C12orf42: variants seen among roughly 807,000 people sequenced by gnomAD.
The protein encoded by C12orf42 is uncharacterized protein C12orf42.
Under a neutral mutation model 21.6 loss-of-function variants are expected in C12orf42, and 25 were observed. That is an observed-to-expected ratio of 1.16 (90% CI 0.84 to 1.62). C12orf42 has a LOEUF of 1.62. Ranked by LOEUF, C12orf42 falls within the 40% of genes most tolerant of loss-of-function variation. The pLI is 0.00. For missense variants in C12orf42, 483 were observed against 459.3 expected (o/e 1.05, Z -0.47); for synonymous variants, 174 against 175.0 (o/e 0.99, Z 0.05).
the C12orf42 span, among the ~76,000 whole-genome samples, chr12:103,205,700 C>A: frequency 6.6e-6 from 1 of 152,148 alleles, no homozygotes; most frequent in Non-Finnish European, 1.5e-5. Context: ...ATTATGTATA[C>A]AGCCAAAGGC....
the C12orf42 span, chr12:103,558,993 C>A: frequency 1.3e-5 from 2 of 152,102 alleles, no homozygotes; most frequent in East Asian, 1.9e-4. Context: ...TTGTTCAAAC[C>A]CTGCACATTT....
In C12orf42 at chr12:103,372,261, C is replaced by T. The variant is rs117813737; in HGVS notation, c.148-3263G>A. Among the ~76,000 whole-genome samples the T allele has an allele frequency of 8.4e-3, 1,284 of 152,222 alleles. 9 individuals are homozygous for T. Among genetic ancestry groups the T allele is most frequent in the South Asian group, 0.017 (81 of 4,816 alleles). On this transcript the variant is annotated intron_variant, in intron 3 of 5. Transcript: ENST00000548883. ...TTTCTCACATTATCTTTCTAAATCC[C>T]AAGTTTAAATATGGCACTGGCCTTC...
chr12:103,522,385 A>G, the C12orf42 span, among the ~76,000 whole-genome samples: 5 of 152,072 alleles, frequency 3.3e-5, no homozygotes, highest in Admixed American at 2.0e-4. Context: ...TTTATTAGCA[A>G]CATGTGAATG....
chr12:103,408,036 G>A (rs565482626), intron 2 of C12orf42, among the ~76,000 whole-genome samples: 1 of 152,204 alleles, frequency 6.6e-6, no homozygotes, highest in Non-Finnish European at 1.5e-5. Context: ...TGCAGATAAA[G>A]CCCCGTGGTA....
chr12:103,123,664 T>C, the C12orf42 span, among the ~76,000 whole-genome samples: 1 of 152,164 alleles, frequency 6.6e-6, no homozygotes. Flanking sequence ...TGTATTGAAA[T>C]TGTAAACTAC....
chr12:103,270,936 T>C (rs2035438577), intron 5 of C12orf42, among the ~76,000 whole-genome samples: 1 of 152,136 alleles, frequency 6.6e-6, no homozygotes, highest in Admixed American at 6.5e-5. Context: ...ATGGGATAAT[T>C]TTGACAGTTT....
At chr12:103,269,281 G>T (rs1013794772) in intron 6 of C12orf42, among the ~76,000 whole-genome samples, 1 of 152,114 alleles carries the variant, frequency 6.6e-6, no homozygotes, top group Non-Finnish European at 1.5e-5. Flanking sequence ...AGCGGATGAC[G>T]TAAGTAGACA....
chr12:103,227,896 G>A, the C12orf42 span, among the ~76,000 whole-genome samples: 1 of 152,160 alleles, frequency 6.6e-6, no homozygotes, highest in Non-Finnish European at 1.5e-5. Context: ...AGAGTGGAAA[G>A]GAGAAAGTGG....
chr12:103,195,545 T>C, the C12orf42 span, among the ~76,000 whole-genome samples: 4 of 152,190 alleles, frequency 2.6e-5, no homozygotes, highest in Non-Finnish European at 5.9e-5. Flanking sequence ...TTATGATTAT[T>C]GATGTTAAGC....
chr12:103,463,775 C>T (rs1288296140), intron 2 of C12orf42, among the ~76,000 whole-genome samples: 1 of 152,152 alleles, frequency 6.6e-6, no homozygotes, highest in Non-Finnish European at 1.5e-5. Flanking sequence ...CTTCCTGTGT[C>T]AATGTGTTCT....
Position 103,369,852 on chromosome 12 carries a change from T to C in C12orf42, c.148-854A>G, listed in dbSNP as rs150583738. On this transcript the variant is annotated intron_variant, in intron 3 of 5. Transcript: ENST00000548883. ...TTCAAGAGAAAGACACCAAAAGCAATTGCAACAAAAACAAAAATTGACAAA... is the reference window on the plus strand; with the variant it reads ...TTCAAGAGAAAGACACCAAAAGCAACTGCAACAAAAACAAAAATTGACAAA... 4.6e-3 allele frequency among the ~76,000 whole-genome samples: 694 copies of C among 152,106 alleles called. 2 individuals are homozygous for C. Among genetic ancestry groups the C allele is most frequent in the African/African-American group, 0.016 (652 of 41,518 alleles).
intron 2 of C12orf42, among the ~76,000 whole-genome samples, chr12:103,436,625 T>C (rs1950739386): frequency 1.3e-5 from 2 of 150,712 alleles, no homozygotes; most frequent in African/African-American, 4.9e-5. Flanking sequence ...AAACAGACTT[T>C]AAACCAACAA....
At chr12:103,454,284 T>G (rs530128373) in intron 2 of C12orf42, among the ~76,000 whole-genome samples, 102 of 152,190 alleles carry the variant, frequency 6.7e-4, no homozygotes, top group Admixed American at 2.7e-3. Context: ...ATGCCAGAAT[T>G]TCACTAAACT....
At chr12:103,253,459 G>A (rs964905901) in intron 10 of C12orf42, among the ~76,000 whole-genome samples, 5 of 152,146 alleles carry the variant, frequency 3.3e-5, no homozygotes, top group East Asian at 1.9e-4. Context: ...TTTTCCATCC[G>A]TTTATTTCCT....
chr12:103,538,507 G>A, the C12orf42 span, among the ~76,000 whole-genome samples: 1 of 152,206 alleles, frequency 6.6e-6, no homozygotes, highest in Non-Finnish European at 1.5e-5. Flanking sequence ...AGAGGCCCTG[G>A]CACAAAATTG....
At chr12:103,467,556 G>T (rs1488686335) in intron 2 of C12orf42, among the ~76,000 whole-genome samples, 2 of 152,156 alleles carry the variant, frequency 1.3e-5, no homozygotes, top group Non-Finnish European at 2.9e-5. Flanking sequence ...ACCCGCTGGA[G>T]GGTAGAACAG....
At chr12:103,375,595 A>G (rs903384219) in intron 3 of C12orf42, among the ~76,000 whole-genome samples, 1 of 152,212 alleles carries the variant, frequency 6.6e-6, no homozygotes, top group African/African-American at 2.4e-5. Context: ...TTATTGCATC[A>G]TAGAAAATTA....
chr12:103,413,097 C>T (rs2048987650), intron 2 of C12orf42, among the ~76,000 whole-genome samples: 1 of 152,302 alleles, frequency 6.6e-6, no homozygotes, highest in African/African-American at 2.4e-5. Flanking sequence ...TGAGCTGTTA[C>T]ATTTAAATCT....
At chr12:103,115,037 TAA>T in the C12orf42 span, among the ~76,000 whole-genome samples, 1 of 152,230 alleles carries the variant, frequency 6.6e-6, no homozygotes, top group African/African-American at 2.4e-5. Flanking sequence ...GTCTCCCTGA[TAA>T]AGTCTCAGAA....
Sources: allele counts gnomAD v4.1 joint callset (sites outside exome capture counted in the v4.1 genomes callset), GRCh38; gene constraint gnomAD v4.1.1; transcripts MANE v1.5; gene names NCBI Gene and HGNC (gene_info 2026-07-23, HGNC 2026-07-21).